Variants in ANO10 observed in about 807,000 individuals in gnomAD.
The protein encoded by ANO10 is anoctamin-10.
A neutral mutation model predicts 74.7 loss-of-function variants in ANO10; 77 were observed. The observed-to-expected ratio is 1.03, with a 90% confidence interval of 0.86 to 1.25. The LOEUF (loss-of-function observed/expected upper bound fraction) is 1.25, where lower values mean the gene tolerates loss of function less well. Among genes scored for constraint, ANO10 ranks in the 50% most tolerant of loss-of-function variants. The probability of loss-of-function intolerance (pLI) is 0.00; values close to 1 mark genes in which losing one functional copy is unlikely to be tolerated. For missense variants in ANO10, 721 were observed against 778.1 expected, an observed-to-expected ratio of 0.93 and a Z score of 0.87; for synonymous variants, 279 against 284.9, an observed-to-expected ratio of 0.98 and a Z score of 0.21.
chr3:43,545,277 G>T (rs1268996800), intron 11 of ANO10, among the ~76,000 whole-genome samples: 1 of 151,960 alleles, frequency 6.6e-6, no homozygotes, highest in Non-Finnish European at 1.5e-5. Context: ...TTAATTTTAA[G>T]ATTTAATTTC....
chr3:43,580,462 C>A lies in ANO10; in HGVS notation c.483G>T (p.Leu161Phe). The stretch of plus-strand genomic sequence containing the variant: ...CCTGAATCACGATGCCAGACGTGAG[C>A]AATCTTCTCACTGCACAGGGAAAAT... ...LYPGKSLLRRLLTSGIVIQVF... is the reference protein window; with the variant it reads ...LYPGKSLLRRFLTSGIVIQVF... The change falls in exon 5 of 13, where the codon TTG becomes TTT. Residue 161 changes from leucine (L) to phenylalanine (F), a missense_variant. Transcript: ENST00000292246. 1.2e-6 allele frequency: 2 copies of A among 1,613,700 alleles called. No homozygotes were observed. The highest frequency in any genetic ancestry group is 1.7e-6 in the Non-Finnish European group (2 of 1,179,942).
At chr3:43,563,745 C>T (rs532653566) in intron 8 of ANO10, among the ~76,000 whole-genome samples, 23 of 152,046 alleles carry the variant, frequency 1.5e-4, no homozygotes, top group East Asian at 9.7e-4. Context: ...TGAAATAAGC[C>T]GGGCACAGAA....
intron 12 of ANO10, among the ~76,000 whole-genome samples, chr3:43,413,861 C>A (rs1183896419): frequency 2.0e-5 from 3 of 151,642 alleles, no homozygotes; most frequent in African/African-American, 4.9e-5. Context: ...GTCTCACAGG[C>A]CCCACCACAG....
chr3:43,557,920 C>A (rs1191061155), intron 9 of ANO10, among the ~76,000 whole-genome samples: 2 of 151,482 alleles, frequency 1.3e-5, no homozygotes, highest in Non-Finnish European at 2.9e-5. Flanking sequence ...GCCTGGGCAA[C>A]ACAGTGAGAG....
intron 11 of ANO10, among the ~76,000 whole-genome samples, chr3:43,447,504 G>C (rs956103620): frequency 6.6e-6 from 1 of 152,108 alleles, no homozygotes; most frequent in Admixed American, 6.5e-5. Flanking sequence ...TTTGCATTTT[G>C]CTTTTTTTGT....
intron 11 of ANO10, among the ~76,000 whole-genome samples, chr3:43,469,790 A>C (rs938610068): frequency 6.6e-6 from 1 of 152,224 alleles, no homozygotes; most frequent in African/African-American, 2.4e-5. Flanking sequence ...ATATGTCTGT[A>C]TATATATTAA....
intron 1 of ANO10, among the ~76,000 whole-genome samples, chr3:43,651,105 T>C (rs140487927): frequency 1.3e-5 from 2 of 152,278 alleles, no homozygotes; most frequent in East Asian, 3.9e-4. Flanking sequence ...GGGAGGGCAG[T>C]AAAATTAGGT....
chr3:43,595,970 A>G (rs2082063885), intron 4 of ANO10, among the ~76,000 whole-genome samples: 1 of 152,236 alleles, frequency 6.6e-6, no homozygotes, highest in African/African-American at 2.4e-5. Context: ...CAGCAATAAC[A>G]GAGAAACAGA....
At chr3:43,683,603 A>G (rs1425627380) in intron 1 of ANO10, among the ~76,000 whole-genome samples, 1 of 152,230 alleles carries the variant, frequency 6.6e-6, no homozygotes, top group African/African-American at 2.4e-5. Context: ...TGGAACCAAA[A>G]AAGAGCCTGC....
chr3:43,616,109 C>T lies in ANO10; in HGVS notation c.-12+5800G>A, dbSNP rs1338806222. Among the ~76,000 whole-genome samples the T allele has an allele frequency of 2.6e-5, 4 of 151,990 alleles. No individual in the cohort carries two copies. In the South Asian group the frequency reaches 6.2e-4, roughly 24 times the overall value. ...CAACAGTATGTGAAATAAAAGGATC[C>T]GTACATAAGCATATCATCTTCCATC... On this transcript the variant is annotated intron_variant, in intron 1 of 12. Coordinates refer to ENST00000292246, the MANE Select transcript of ANO10 (RefSeq NM_018075.5).
intron 7 of ANO10, 67 bp from the exon 8 acceptor site, chr3:43,565,794 A>G: frequency 1.3e-6 from 2 of 1,491,268 alleles, no homozygotes; most frequent in Non-Finnish European, 1.8e-6. Context: ...CTACAACTGT[A>G]ATGCAGCATT....
intron 2 of ANO10, among the ~76,000 whole-genome samples, chr3:43,602,794 G>A (rs1311783932): frequency 6.6e-6 from 1 of 152,186 alleles, no homozygotes; most frequent in Admixed American, 6.5e-5. Flanking sequence ...GCTCATCAAG[G>A]ATGGCCTTTA....
upstream of ANO10, among the ~76,000 whole-genome samples, chr3:43,626,414 T>C (rs2083492410): frequency 6.6e-6 from 1 of 151,678 alleles, no homozygotes; most frequent in Non-Finnish European, 1.5e-5. Context: ...CATGCATGCC[T>C]CAGCCTCCCG....
At chr3:43,474,077 G>C (rs999344390) in intron 11 of ANO10, among the ~76,000 whole-genome samples, 5 of 152,140 alleles carry the variant, frequency 3.3e-5, no homozygotes, top group African/African-American at 1.2e-4. Context: ...TATAACAGAG[G>C]CCTTTTTGGT....
chr3:43,407,213 A>G (rs902051772), intron 12 of ANO10, among the ~76,000 whole-genome samples: 3 of 152,074 alleles, frequency 2.0e-5, no homozygotes, highest in Non-Finnish European at 2.9e-5. Context: ...TGCAATGGAG[A>G]TACTTTAGAG....
intron 1 of ANO10, 134 bp from the exon 2 acceptor site, chr3:43,605,997 T>A: frequency 1.1e-6 from 1 of 929,738 alleles, no homozygotes; most frequent in Non-Finnish European, 1.6e-6. Context: ...GTGATTCAGA[T>A]GGGTTATATG....
At chr3:43,491,863 T>C (rs180697595) in intron 11 of ANO10, among the ~76,000 whole-genome samples, 164 of 152,196 alleles carry the variant, frequency 1.1e-3, no homozygotes, top group African/African-American at 3.8e-3. Flanking sequence ...AGCAACACTA[T>C]CAACATAATT....
At chr3:43,573,627 C>A (rs900903154) in intron 7 of ANO10, among the ~76,000 whole-genome samples, 1 of 152,096 alleles carries the variant, frequency 6.6e-6, no homozygotes, top group Admixed American at 6.6e-5. Context: ...CTGAGGTAAA[C>A]CCCCGATAAA....
chr3:43,388,729 G>A (rs929826174), intron 12 of ANO10, among the ~76,000 whole-genome samples: 1 of 152,278 alleles, frequency 6.6e-6, no homozygotes, highest in East Asian at 1.9e-4. Flanking sequence ...TAATGTTTCT[G>A]AATTCACAAA....
Sources: gnomAD v4.1 joint callset for allele counts (sites outside exome capture counted in the v4.1 genomes callset) on GRCh38, gnomAD v4.1.1 for gene constraint, MANE v1.5 for transcripts, NCBI Gene and HGNC (gene_info 2026-07-23, HGNC 2026-07-21) for gene names.